RAD50: variants seen among roughly 807,000 people sequenced by gnomAD.
The protein encoded by RAD50 is RAD50 double strand break repair protein.
A neutral mutation model predicts 168.8 loss-of-function variants in RAD50; 132 were observed. The ratio of observed to expected loss-of-function variants is 0.78; its 90% CI spans 0.68 to 0.90. The LOEUF is 0.90. Among genes scored for constraint, RAD50 ranks in the 40% least tolerant of loss-of-function variants. The pLI is 0.00. For synonymous variants in RAD50, 525 were observed against 497.4 expected (o/e 1.06, Z -0.74); for missense variants, 1,347 against 1,534.4 (o/e 0.88, Z 2.04).
intron 21 of RAD50, among the ~76,000 whole-genome samples, chr5:132,620,146 C>A (rs183230638): frequency 1.3e-5 from 2 of 152,212 alleles, no homozygotes; most frequent in Non-Finnish European, 2.9e-5. Flanking sequence ...ACCTCGTGAT[C>A]CACCTGTATT....
chr5:132,628,271 T>C (rs770766171), intron 21 of RAD50, among the ~76,000 whole-genome samples: 5 of 151,986 alleles, frequency 3.3e-5, no homozygotes, highest in Non-Finnish European at 5.9e-5. Context: ...GGAATGAGCA[T>C]AGAGAGAGAA....
intron 11 of RAD50, among the ~76,000 whole-genome samples, chr5:132,592,373 AAAGATTTTTTT>A (rs1561641258): frequency 1.3e-5 from 2 of 152,152 alleles, no homozygotes; most frequent in Non-Finnish European, 2.9e-5. Flanking sequence ...GGTGCCCTTT[AAAGATTTTTTT>A]AAGATTAAGA....
chr5:132,606,160 C>G (rs150577095), intron 16 of RAD50, among the ~76,000 whole-genome samples: 106 of 152,010 alleles, frequency 7.0e-4, no homozygotes, highest in African/African-American at 2.4e-3. Flanking sequence ...ACACGAAAAA[C>G]CCTTCAAAAA....
At chr5:132,608,155 C>T (rs1007849751) in intron 16 of RAD50, among the ~76,000 whole-genome samples, 7 of 152,210 alleles carry the variant, frequency 4.6e-5, no homozygotes, top group Admixed American at 6.5e-5. Context: ...ATCATGTTTT[C>T]ATCTGAAAAA....
rs1681915839 is a variant in RAD50, at chr5:132,557,046, G to A, written c.-279G>A. 6.1e-6 allele frequency: 4 copies of A among 652,434 alleles called. No individual in the cohort carries two copies. In the Admixed American group the frequency reaches 1.3e-4, roughly 21 times the overall value. 40.4% of individuals were successfully genotyped at this position (652,434 alleles called of 1,614,324 possible). A position where few individuals can be genotyped will look rare whatever the true frequency, so the allele number is the denominator to read the frequency against. On this transcript the variant is annotated 5_prime_UTR_variant, in exon 1 of 25. Transcript: ENST00000378823. ...GTTGCGGGGTCGCATTGTGGCTACG[G>A]CTTTGCGTCCCCGGCGGGCAGCCCC...
chr5:132,642,420 A>G lies in RAD50; in HGVS notation c.*56A>G, dbSNP rs867562432. 1.0e-5 allele frequency: 15 copies of G among 1,454,728 alleles called. No individual in the cohort carries two copies. In the Middle Eastern group the frequency reaches 9.3e-4, roughly 90 times the overall value. The allele number at this position is 1,454,728 out of a possible 1,614,324, so 90.1% of individuals were successfully genotyped here. ...GTAGGTCCTCAGAAAGTGTATAATA[A>G]GAAACTTATTTCTCATATCAACTTA... On this transcript the variant is annotated 3_prime_UTR_variant, in exon 25 of 25. Coordinates refer to ENST00000378823, the MANE Select transcript of RAD50 (RefSeq NM_005732.4).
chr5:132,575,860 T>C lies in RAD50; in HGVS notation c.297T>C (p.Ser99=). The C allele has an allele frequency of 1.2e-6, 2 of 1,607,844 alleles. No individual in the cohort carries two copies. Among genetic ancestry groups the C allele is most frequent in the East Asian group, 2.2e-5 (1 of 44,824 alleles). The change falls in exon 3 of 25, where the codon TCT becomes TCC. Residue 99 remains serine (S), a synonymous_variant. Coordinates refer to ENST00000378823, the MANE Select transcript of RAD50 (RefSeq NM_005732.4). The stretch of plus-strand genomic sequence containing the variant: ...GAGAACTTATAGCTGTGCAAAGATC[T>C]ATGGTGTGTACTCAGAAAAGCAAAA... ...VNGELIAVQR[S]MVCTQKSKKT...
intron 2 of RAD50, among the ~76,000 whole-genome samples, chr5:132,572,408 TGGA>T (rs1386382716): frequency 6.6e-6 from 1 of 151,648 alleles, no homozygotes; most frequent in Non-Finnish European, 1.5e-5. Context: ...ATGAGAAAAA[TGGA>T]GGACAATAAC....
chr5:132,637,703 T>C (rs532086037), intron 22 of RAD50, among the ~76,000 whole-genome samples: 7 of 152,204 alleles, frequency 4.6e-5, no homozygotes, highest in African/African-American at 1.7e-4. Flanking sequence ...TGGCTAATTT[T>C]TTGTATTCTT....
chr5:132,638,952 C>T (rs1220226065), intron 23 of RAD50, among the ~76,000 whole-genome samples: 1 of 152,210 alleles, frequency 6.6e-6, no homozygotes, highest in African/African-American at 2.4e-5. Flanking sequence ...GAAGATTACA[C>T]TTGATAACAC....
intron 12 of RAD50, 58 bp from the exon 13 acceptor site, chr5:132,595,515 G>T: frequency 1.8e-6 from 2 of 1,128,340 alleles, no homozygotes; most frequent in South Asian, 2.5e-5. Flanking sequence ...ACCGTATTCA[G>T]AATACTGTAT....
intron 21 of RAD50, among the ~76,000 whole-genome samples, chr5:132,623,076 A>AT (rs1453250606): frequency 6.6e-6 from 1 of 152,132 alleles, no homozygotes; most frequent in Non-Finnish European, 1.5e-5. Context: ...GAAGAGTCCC[A>AT]TTTTTTGTGT....
chr5:132,642,595 C>G lies in RAD50; in HGVS notation c.*231C>G. 1.8e-6 allele frequency: 1 copy of G among 566,810 alleles called. No individual in the cohort carries two copies. The highest frequency in any genetic ancestry group is 3.1e-5 in the Admixed American group (1 of 32,304). The allele number at this position is 566,810 out of a possible 1,614,324, so 35.1% of individuals were successfully genotyped here. On this transcript the variant is annotated 3_prime_UTR_variant, in exon 25 of 25. Transcript: ENST00000378823. ...CTCTTCATCCCATTCCAGGCAGCCT[C>G]TGTCAGGCCTTCAGGGTTCAGCAGT...
Position 132,559,806 on chromosome 5 carries a change from G to A in RAD50, c.213+439G>A, listed in dbSNP as rs577170635. 3.3e-5 allele frequency among the ~76,000 whole-genome samples: 5 copies of A among 152,134 alleles called. No homozygotes were observed. The South Asian group carries it at 6.2e-4, about 19-fold the overall frequency. On this transcript the variant is annotated intron_variant, in intron 2 of 24. Transcript: ENST00000378823. Reference sequence around the variant, plus strand: ...AATGTACCATGATAAGCCAGGCTTGGGGGTGTGTGCCAATACTCCCAGATA... The same window carrying A: ...AATGTACCATGATAAGCCAGGCTTGAGGGTGTGTGCCAATACTCCCAGATA...
At chr5:132,615,464 A>C (rs752653837) in intron 19 of RAD50, among the ~76,000 whole-genome samples, 4 of 152,162 alleles carry the variant, frequency 2.6e-5, no homozygotes, top group African/African-American at 9.7e-5. Context: ...AACAGGTTCT[A>C]ATGGTCTTGG....
chr5:132,619,836 CTATATATATATATATAAAGA>C (rs1751249163), intron 21 of RAD50, among the ~76,000 whole-genome samples: 1 of 114,416 alleles, frequency 8.7e-6, no homozygotes, highest in East Asian at 2.8e-4. Context: ...CTCTCTCTCT[CTATATATATATATATAAAGA>C]TATATATATA....
Position 132,587,645 on chromosome 5 carries a change from G to A in RAD50, c.840G>A (p.Lys280=). ...NEIKALDSRK[K]QMEKDNSELE... is the part of the protein sequence containing the mutation. ...TTAAAGCCTTGGATAGCCGAAAGAAGCAAATGGAGAAAGATAATAGTGAAC... is the reference window on the plus strand; with the variant it reads ...TTAAAGCCTTGGATAGCCGAAAGAAACAAATGGAGAAAGATAATAGTGAAC... The change falls in exon 6 of 25, where the codon AAG becomes AAA. Residue 280 remains lysine, a synonymous_variant. Transcript: ENST00000378823. 6.2e-7 allele frequency: 1 copy of A among 1,613,834 alleles called. No homozygotes were observed. The highest frequency in any genetic ancestry group is 1.1e-5 in the South Asian group (1 of 91,080).
chr5:132,595,733 TAAACTC>T lies in RAD50; in HGVS notation c.2133_2138del (p.Leu712_Lys713del). On this transcript the variant is annotated inframe_deletion, in exon 13 of 25. Transcript: ENST00000378823. ...AGTCTAAACTGCGACTTGCTCCAGA[TAAACTC>T]AAGTCAACAGAATCAGAGCTAAAAA... is the stretch of plus-strand genomic sequence containing the variant. The T allele has an allele frequency of 1.9e-6, 3 of 1,613,856 alleles. No individual in the cohort carries two copies. Among genetic ancestry groups the T allele is most frequent in the Non-Finnish European group, 2.5e-6 (3 of 1,179,846 alleles).
At chr5:132,560,345 ATTAT>A (rs1039144821) in intron 2 of RAD50, among the ~76,000 whole-genome samples, 7 of 152,106 alleles carry the variant, frequency 4.6e-5, no homozygotes, top group Admixed American at 3.9e-4. Context: ...CCTGTTGATT[ATTAT>A]TTGTTTCTAC....
Sources: gnomAD v4.1 joint callset for allele counts (sites outside exome capture counted in the v4.1 genomes callset) on GRCh38, gnomAD v4.1.1 for gene constraint, MANE v1.5 for transcripts, NCBI Gene and HGNC (gene_info 2026-07-23, HGNC 2026-07-21) for gene names.